SCML4: variants seen among roughly 807,000 people sequenced by gnomAD.
SCML4 encodes Scm polycomb group protein like 4, also known as sex comb on midleg-like protein 4.
SCML4 carries 34 observed loss-of-function variants against 41.1 expected under a neutral mutation model. The ratio of observed to expected loss-of-function variants is 0.83; its 90% CI spans 0.63 to 1.10. The LOEUF is 1.10. Among genes scored for constraint, SCML4 ranks in the 50% least tolerant of loss-of-function variants. The pLI is 0.00. For synonymous variants in SCML4, 214 were observed against 220.9 expected, an observed-to-expected ratio of 0.97 and a Z score of 0.28; for missense variants, 522 against 534.1, an observed-to-expected ratio of 0.98 and a Z score of 0.22.
intron 1 of SCML4, among the ~76,000 whole-genome samples, chr6:107,814,042 T>A (rs571925983): frequency 6.6e-6 from 1 of 152,184 alleles, no homozygotes; most frequent in Non-Finnish European, 1.5e-5. Flanking sequence ...AAAGACCCAG[T>A]AGAGCTGCAA....
chr6:107,796,022 C>A (rs950480927), intron 1 of SCML4, among the ~76,000 whole-genome samples: 1 of 152,154 alleles, frequency 6.6e-6, no homozygotes, highest in Non-Finnish European at 1.5e-5. Context: ...CTTTTTATTG[C>A]TGAATAGTAG....
At chr6:107,841,058 C>A in the SCML4 span, among the ~76,000 whole-genome samples, 1 of 152,046 alleles carries the variant, frequency 6.6e-6, no homozygotes, top group Non-Finnish European at 1.5e-5. Context: ...TGCTCAATCC[C>A]CAAACACCAT....
At chr6:107,833,824 G>A in the SCML4 span, among the ~76,000 whole-genome samples, 3 of 152,188 alleles carry the variant, frequency 2.0e-5, no homozygotes, top group Admixed American at 2.0e-4. Flanking sequence ...ATTCTGGCTT[G>A]ACCATGTCCA....
chr6:107,755,488 T>C lies in SCML4; in HGVS notation c.157-5675A>G, dbSNP rs1779026127. Reference sequence around the variant, plus strand: ...GTCACCCATGATTTTGGAAAAGTCCTAAAAAAGAAGAGCACGGATATGAGC... The same window carrying C: ...GTCACCCATGATTTTGGAAAAGTCCCAAAAAAGAAGAGCACGGATATGAGC... On this transcript the variant is annotated intron_variant, in intron 2 of 7. Coordinates refer to ENST00000369020, the MANE Select transcript of SCML4 (RefSeq NM_198081.5). 5.9e-6 allele frequency: 3 copies of C among 509,928 alleles called. No individual in the cohort carries two copies. The African/African-American group carries it at 6.2e-5, about 11-fold the overall frequency. 31.6% of individuals were successfully genotyped at this position (509,928 alleles called of 1,614,324 possible).
chr6:107,815,054 G>T (rs1363909559), intron 1 of SCML4, among the ~76,000 whole-genome samples: 1 of 152,206 alleles, frequency 6.6e-6, no homozygotes, highest in Non-Finnish European at 1.5e-5. Flanking sequence ...TCTGCATAGT[G>T]ATCATGTAGG....
intron 6 of SCML4, among the ~76,000 whole-genome samples, chr6:107,718,069 G>A (rs1775008143): frequency 6.6e-6 from 1 of 152,172 alleles, no homozygotes; most frequent in Non-Finnish European, 1.5e-5. Flanking sequence ...AAGGGTCTGG[G>A]CTGCCCCTCG....
chr6:107,755,588 G>T (rs983270584), intron 2 of SCML4: 1 of 1,347,034 alleles, frequency 7.4e-7, no homozygotes, highest in African/African-American at 1.5e-5. Context: ...CAGTGGAATG[G>T]GGGGGTTCTC....
intron 1 of SCML4, among the ~76,000 whole-genome samples, chr6:107,789,128 A>G (rs1217837930): frequency 6.6e-6 from 1 of 152,196 alleles, no homozygotes; most frequent in Non-Finnish European, 1.5e-5. Flanking sequence ...CGCAGGCTTC[A>G]CAAGTACTGC....
intron 5 of SCML4, among the ~76,000 whole-genome samples, chr6:107,735,996 A>G (rs1253170600): frequency 6.6e-6 from 1 of 152,072 alleles, no homozygotes; most frequent in Non-Finnish European, 1.5e-5. Context: ...CCACATATTA[A>G]TTCAAACACT....
intron 1 of SCML4, among the ~76,000 whole-genome samples, chr6:107,792,998 C>T (rs770468072): frequency 2.6e-5 from 4 of 152,022 alleles, no homozygotes; most frequent in Admixed American, 6.5e-5. Flanking sequence ...ATATTGAATC[C>T]AAAAGGAGGA....
intron 5 of SCML4, among the ~76,000 whole-genome samples, chr6:107,725,201 G>A (rs1172816524): frequency 6.6e-6 from 1 of 152,120 alleles, no homozygotes; most frequent in Non-Finnish European, 1.5e-5. Context: ...AATTCAAATG[G>A]TTCTACAGTA....
intron 1 of SCML4, among the ~76,000 whole-genome samples, chr6:107,797,696 A>G (rs1396875751): frequency 6.6e-6 from 1 of 152,028 alleles, no homozygotes; most frequent in Non-Finnish European, 1.5e-5. Flanking sequence ...AAGGACATCC[A>G]TGCTTGTTCC....
At chr6:107,780,266 C>T (rs1383700790) in intron 1 of SCML4, among the ~76,000 whole-genome samples, 1 of 152,146 alleles carries the variant, frequency 6.6e-6, no homozygotes, top group Non-Finnish European at 1.5e-5. Flanking sequence ...CCAATATAAT[C>T]TGTTAAAGTG....
chr6:107,765,045 G>C (rs1779922154), intron 2 of SCML4, among the ~76,000 whole-genome samples: 1 of 152,148 alleles, frequency 6.6e-6, no homozygotes, highest in African/African-American at 2.4e-5. Context: ...GGTGAAAACA[G>C]ACTAATACAC....
At chr6:107,792,671 G>T (rs1242309385) in intron 1 of SCML4, among the ~76,000 whole-genome samples, 3 of 151,712 alleles carry the variant, frequency 2.0e-5, no homozygotes, top group Non-Finnish European at 4.4e-5. Flanking sequence ...GGCAGAGGTT[G>T]CAGTGAGCTG....
chr6:107,743,229 C>G (rs1232827251), intron 5 of SCML4, among the ~76,000 whole-genome samples: 5 of 152,104 alleles, frequency 3.3e-5, no homozygotes, highest in African/African-American at 1.2e-4. Flanking sequence ...CAATTATCAC[C>G]CTGACCTGGA....
At chr6:107,749,212 C>T (rs1276575010) in intron 3 of SCML4, among the ~76,000 whole-genome samples, 1 of 151,956 alleles carries the variant, frequency 6.6e-6, no homozygotes, top group East Asian at 1.9e-4. Flanking sequence ...TTGGTGGATG[C>T]CCCACCATAG....
chr6:107,785,023 A>G (rs1781780252), intron 1 of SCML4, among the ~76,000 whole-genome samples: 1 of 152,226 alleles, frequency 6.6e-6, no homozygotes, highest in Non-Finnish European at 1.5e-5. Flanking sequence ...AGACAGAGAC[A>G]AGTCACTTCA....
chr6:107,772,075 G>T, intron 2 of SCML4, 97 bp downstream of exon 2: 1 of 1,074,812 alleles, frequency 9.3e-7, no homozygotes, highest in Non-Finnish European at 1.3e-6. Flanking sequence ...TCTCTACCAA[G>T]CTCCCAACCT....
Sources: gnomAD v4.1 joint callset for allele counts (sites outside exome capture counted in the v4.1 genomes callset) on GRCh38, gnomAD v4.1.1 for gene constraint, MANE v1.5 for transcripts, NCBI Gene and HGNC (gene_info 2026-07-23, HGNC 2026-07-21) for gene names.